JAK1: variants seen among roughly 807,000 people sequenced by gnomAD.
JAK1 encodes the protein tyrosine-protein kinase JAK1.
In JAK1, 16 loss-of-function variants were observed where a neutral mutation model predicts 136.6. That is an observed-to-expected ratio of 0.12 (90% CI 0.08 to 0.18). The LOEUF is 0.18. Ranked by LOEUF, JAK1 falls within the 10% of genes least tolerant of loss-of-function variation. The pLI is 1.00. For synonymous variants in JAK1, 492 were observed against 519.5 expected (o/e 0.95, Z 0.72); for missense variants, 859 against 1,450.1 (o/e 0.59, Z 6.62).
chr1:64,924,332 G>T (rs1045497615), intron 1 of JAK1, among the ~76,000 whole-genome samples: 2 of 152,192 alleles, frequency 1.3e-5, no homozygotes, highest in African/African-American at 4.8e-5. Context: ...AGAAAATTAT[G>T]AACAGGCTTT....
Position 65,023,767 on chromosome 1 carries a change from G to C in JAK1, c.-78+20713C>G, listed in dbSNP as rs375196051. Reference sequence around the variant, plus strand: ...CAAAGTGCTGGGATTACAGGTGTGAGCTACTGCACCCTGCTGAGGGAACCA... The same window carrying C: ...CAAAGTGCTGGGATTACAGGTGTGACCTACTGCACCCTGCTGAGGGAACCA... On this transcript the variant is annotated intron_variant, in intron 2 of 25. Transcript: ENST00000671954. 1.2e-4 allele frequency among the ~76,000 whole-genome samples: 18 copies of C among 152,036 alleles called. 1 individual carries two copies. Among genetic ancestry groups the C allele is most frequent in the Admixed American group, 3.3e-4 (5 of 15,274 alleles).
chr1:64,867,729 G>A (rs1656791692), intron 6 of JAK1, among the ~76,000 whole-genome samples: 2 of 152,168 alleles, frequency 1.3e-5, no homozygotes, highest in South Asian at 2.1e-4. Flanking sequence ...GGTGGCTCAC[G>A]CCTGTAATCC....
intron 2 of JAK1, among the ~76,000 whole-genome samples, chr1:64,983,905 A>G (rs1646573470): frequency 6.6e-6 from 1 of 152,192 alleles, no homozygotes; most frequent in African/African-American, 2.4e-5. Flanking sequence ...TTTCCACCTG[A>G]AGGACAGAAA....
chr1:64,954,354 C>T (rs1475573486), intron 1 of JAK1, among the ~76,000 whole-genome samples: 1 of 152,146 alleles, frequency 6.6e-6, no homozygotes, highest in Non-Finnish European at 1.5e-5. Flanking sequence ...ACAACTGACA[C>T]AGTAAAAGCT....
At chr1:64,966,192 T>G (rs1164620136) in intron 1 of JAK1, 141 bp downstream of exon 1, 1 of 151,654 alleles carries the variant, frequency 6.6e-6, no homozygotes, top group Admixed American at 6.6e-5. Flanking sequence ...GGTCCTGAGC[T>G]GCGCTCAGGA....
chr1:64,944,496 T>C (rs1645947919), intron 1 of JAK1, among the ~76,000 whole-genome samples: 1 of 152,106 alleles, frequency 6.6e-6, no homozygotes, highest in South Asian at 2.1e-4. Context: ...AAGCAAACAA[T>C]AATAACATAC....
At chr1:64,970,334 G>T (rs1290399102), upstream of JAK1, among the ~76,000 whole-genome samples, 1 of 151,668 alleles carries the variant, frequency 6.6e-6, no homozygotes, top group Non-Finnish European at 1.5e-5. Flanking sequence ...CCAGCTTCTC[G>T]GGAGGCTGAG....
At chr1:64,838,710 G>A (rs1381741839) in intron 20 of JAK1, 121 bp from the exon 21 acceptor site, 6 of 903,626 alleles carry the variant, frequency 6.6e-6, no homozygotes, top group African/African-American at 5.0e-5. Flanking sequence ...CTTCATTACA[G>A]GCATGTTACT....
chr1:64,990,919 C>CAAAAAAAAAAAAAAAAAA, intron 2 of JAK1: 1 of 44,166 alleles, frequency 2.3e-5, no homozygotes, highest in Non-Finnish European at 5.1e-5. Flanking sequence ...GACTCCGTCT[C>CAAAAAAAAAAAAAAAAAA]AAAAAAAAAA....
chr1:64,929,434 G>A (rs1351255693), intron 1 of JAK1, among the ~76,000 whole-genome samples: 1 of 152,150 alleles, frequency 6.6e-6, no homozygotes, highest in Non-Finnish European at 1.5e-5. Flanking sequence ...ACTTATCCAT[G>A]CAAATCAGAC....
chr1:64,971,640 A>C (rs10889514), intron 2 of JAK1, among the ~76,000 whole-genome samples: 28,834 of 150,520 alleles, frequency 0.19, 4,682 homozygotes, highest in African/African-American at 0.43. Flanking sequence ...CTCACTGCAA[A>C]CTCTGCCTCC....
At chr1:64,862,408 T>G (rs367661832) in intron 8 of JAK1, among the ~76,000 whole-genome samples, 36 of 152,308 alleles carry the variant, frequency 2.4e-4, no homozygotes, top group African/African-American at 7.9e-4. Flanking sequence ...AAAATTAAAA[T>G]AGGTGGTATT....
chr1:64,961,790 G>A (rs12087016), intron 1 of JAK1, among the ~76,000 whole-genome samples: 2 of 152,130 alleles, frequency 1.3e-5, no homozygotes, highest in African/African-American at 2.4e-5. Flanking sequence ...AGGGCTCCAC[G>A]CAGGAATTAG....
intron 1 of JAK1, among the ~76,000 whole-genome samples, chr1:64,920,533 G>C (rs1468557397): frequency 6.6e-6 from 1 of 151,362 alleles, no homozygotes; most frequent in Non-Finnish European, 1.5e-5. Flanking sequence ...GACACAGCAA[G>C]ACTCTGTCTT....
intron 7 of JAK1, 101 bp from the exon 8 acceptor site, chr1:64,865,073 A>G (rs1422591821): frequency 2.3e-6 from 2 of 870,976 alleles, no homozygotes; most frequent in African/African-American, 3.4e-5. Flanking sequence ...CCTAGGTCCA[A>G]GGAAGAGAAA....
At chr1:65,038,309 C>T (rs1429720081) in intron 2 of JAK1, among the ~76,000 whole-genome samples, 2 of 150,214 alleles carry the variant, frequency 1.3e-5, no homozygotes, top group African/African-American at 4.9e-5. Flanking sequence ...AGCAATTCTC[C>T]TGCCTCAGCT....
chr1:64,874,490 T>C (rs1485659036), intron 4 of JAK1, among the ~76,000 whole-genome samples: 1 of 152,124 alleles, frequency 6.6e-6, no homozygotes, highest in East Asian at 1.9e-4. Context: ...ATTAGCTATG[T>C]TTTGGAGGGT....
intron 1 of JAK1, among the ~76,000 whole-genome samples, chr1:64,928,880 C>G (rs1452538454): frequency 6.7e-6 from 1 of 149,938 alleles, no homozygotes; most frequent in Non-Finnish European, 1.5e-5. Flanking sequence ...ATAATAAACT[C>G]CCACAGATTC....
intron 2 of JAK1, among the ~76,000 whole-genome samples, chr1:65,016,494 C>A (rs1470644174): frequency 6.6e-6 from 1 of 152,100 alleles, no homozygotes; most frequent in Non-Finnish European, 1.5e-5. Flanking sequence ...TGATGGCATG[C>A]GCCTGTAGTC....
Sources: allele counts gnomAD v4.1 joint callset (sites outside exome capture counted in the v4.1 genomes callset), GRCh38; gene constraint gnomAD v4.1.1; transcripts MANE v1.5; gene names NCBI Gene and HGNC (gene_info 2026-07-23, HGNC 2026-07-21).